DNAI1: variants seen among roughly 807,000 people sequenced by gnomAD.
DNAI1 encodes the protein dynein axonemal intermediate chain 1.
A neutral mutation model predicts 92.0 loss-of-function variants in DNAI1; 67 were observed. That is an observed-to-expected ratio of 0.73 (90% confidence interval 0.60 to 0.89). The LOEUF (loss-of-function observed/expected upper bound fraction) is 0.89, where lower values mean the gene tolerates loss of function less well. DNAI1 is among the 40% of genes least tolerant of loss of function. DNAI1 has a pLI of 0.00. For synonymous variants in DNAI1, 323 were observed against 319.6 expected (o/e 1.01, Z -0.11); for missense variants, 839 against 866.6 (o/e 0.97, Z 0.40).
chr9:34,473,119 C>G (rs1467081775), intron 1 of DNAI1, among the ~76,000 whole-genome samples: 2 of 151,854 alleles, frequency 1.3e-5, no homozygotes, highest in Admixed American at 6.6e-5. Context: ...GACAATATGC[C>G]TTGGAGAGCT....
chr9:34,516,598 G>A (rs751244810), intron 18 of DNAI1, among the ~76,000 whole-genome samples: 7 of 152,046 alleles, frequency 4.6e-5, no homozygotes, highest in Non-Finnish European at 7.4e-5. Context: ...TAACTCCTCC[G>A]TTATAAAATA....
chr9:34,458,902 A>G lies in DNAI1; in HGVS notation c.-104A>G, dbSNP rs1371433907. On this transcript the variant is annotated 5_prime_UTR_variant, in exon 1 of 20. Coordinates refer to ENST00000242317, the MANE Select transcript of DNAI1 (RefSeq NM_012144.4). This position sits in a 1 kb window ranked among gnomAD's most constrained non-coding sequence, Gnocchi z 6.6. ...CCCTAAAGAACCGTTGCGACTGGTAACTGAAGTGGAAGAGAGTCCAGATTT... is the reference window on the plus strand; with the variant it reads ...CCCTAAAGAACCGTTGCGACTGGTAGCTGAAGTGGAAGAGAGTCCAGATTT... 2.0e-6 allele frequency: 2 copies of G among 1,016,936 alleles called. No individual in the cohort carries two copies. The highest frequency in any genetic ancestry group is 1.6e-6 in the Non-Finnish European group (1 of 643,956). The allele number at this position is 1,016,936 out of a possible 1,614,324, so 63.0% of individuals were successfully genotyped here. A position where few individuals can be genotyped will look rare whatever the true frequency, so the allele number is the denominator to read the frequency against.
At chr9:34,491,355 A>G (rs1399365570) in intron 7 of DNAI1, 140 bp from the exon 8 acceptor site, 1 of 811,524 alleles carries the variant, frequency 1.2e-6, no homozygotes, top group Non-Finnish European at 2.1e-6. Context: ...TATTCACCCA[A>G]GCCCCTCTTT....
Position 34,493,851 on chromosome 9 carries a change from T to A in DNAI1, c.816+523T>A, listed in dbSNP as rs2132065967. Among the ~76,000 whole-genome samples, 4 of 152,250 alleles carry A rather than the reference T, an allele frequency of 2.6e-5. 2 individuals are homozygous for A. In the Middle Eastern group the frequency reaches 0.014, roughly 518 times the overall value. On this transcript the variant is annotated intron_variant, in intron 9 of 19. Coordinates refer to ENST00000242317, the MANE Select transcript of DNAI1 (RefSeq NM_012144.4). ...ATGGATTTGGCCACCCTGGGCTAGATTTTCCATGAAGAGCCATGTAGAAGT... is the reference window on the plus strand; with the variant it reads ...ATGGATTTGGCCACCCTGGGCTAGAATTTCCATGAAGAGCCATGTAGAAGT...
At position 34,500,260 on chromosome 9, in the gene DNAI1, G is replaced by C. The variant is rs550120090; in HGVS notation, c.902-462G>C. Among the ~76,000 whole-genome samples the C allele has an allele frequency of 2.0e-5, 3 of 152,218 alleles. No individual in the cohort carries two copies. The East Asian group carries it at 5.8e-4, about 29-fold the overall frequency. On this transcript the variant is annotated intron_variant, in intron 10 of 19. Coordinates refer to ENST00000242317, the MANE Select transcript of DNAI1 (RefSeq NM_012144.4). Reference sequence around the variant, plus strand: ...GATCTAGGCAGCTTCATTATAGGGAGACTTGGCTGTGGATATGAAAATGGG... The same window carrying C: ...GATCTAGGCAGCTTCATTATAGGGACACTTGGCTGTGGATATGAAAATGGG...
chr9:34,504,614 G>A (rs1470728535), intron 12 of DNAI1, among the ~76,000 whole-genome samples: 2 of 152,270 alleles, frequency 1.3e-5, no homozygotes, highest in Non-Finnish European at 2.9e-5. Flanking sequence ...TAAATGTCCC[G>A]CTTGATGTAT....
At chr9:34,459,805 A>G (rs1564024339) in intron 1 of DNAI1, among the ~76,000 whole-genome samples, 1 of 152,262 alleles carries the variant, frequency 6.6e-6, no homozygotes, top group Non-Finnish European at 1.5e-5. Context: ...AGGTGGGAAC[A>G]CAGCTCTTGC....
chr9:34,459,088 G>A, intron 1 of DNAI1, 35 bp downstream of exon 1: 2 of 1,599,428 alleles, frequency 1.3e-6, no homozygotes, highest in Non-Finnish European at 1.7e-6. Context: ...GATGACCTCT[G>A]ACCTTCGTCG....
intron 13 of DNAI1, among the ~76,000 whole-genome samples, 170 bp from the exon 14 acceptor site, chr9:34,511,939 C>T (rs911125574): frequency 1.3e-5 from 2 of 152,130 alleles, no homozygotes; most frequent in Admixed American, 1.3e-4. Flanking sequence ...GAATGAGAGA[C>T]AGAGATGGAT....
chr9:34,491,628 C>G, intron 8 of DNAI1, 74 bp downstream of exon 8: 1 of 1,527,430 alleles, frequency 6.5e-7, no homozygotes, highest in Non-Finnish European at 9.1e-7. Context: ...GCAGCAAAGG[C>G]AACACTGGGT....
At chr9:34,509,038 G>T (rs1215056645) in intron 13 of DNAI1, among the ~76,000 whole-genome samples, 1 of 152,106 alleles carries the variant, frequency 6.6e-6, no homozygotes, top group Non-Finnish European at 1.5e-5. Flanking sequence ...TCCTCCCTGT[G>T]TGCTCCTCTG....
chr9:34,503,642 C>T (rs561127620), intron 12 of DNAI1, among the ~76,000 whole-genome samples: 1 of 152,238 alleles, frequency 6.6e-6, no homozygotes, highest in South Asian at 2.1e-4. Flanking sequence ...ATTTCTGGGA[C>T]AGGCCAGGTT....
chr9:34,475,007 G>A (rs1824212244), intron 1 of DNAI1, among the ~76,000 whole-genome samples: 1 of 152,162 alleles, frequency 6.6e-6, no homozygotes, highest in African/African-American at 2.4e-5. Flanking sequence ...CAATGTATGT[G>A]TGCCTGTTAC....
intron 17 of DNAI1, 36 bp downstream of exon 17, chr9:34,514,578 C>T (rs1784014921): frequency 1.2e-6 from 2 of 1,614,232 alleles, no homozygotes; most frequent in Non-Finnish European, 1.7e-6. Flanking sequence ...CTGGGGCCCT[C>T]CCCTGGGCTA....
chr9:34,495,426 T>C (rs1462361762), intron 9 of DNAI1, among the ~76,000 whole-genome samples: 1 of 152,148 alleles, frequency 6.6e-6, no homozygotes, highest in Non-Finnish European at 1.5e-5. Flanking sequence ...GTTAGCTCAG[T>C]TTTTCTGAAA....
chr9:34,465,709 G>A (rs898044387), intron 1 of DNAI1, among the ~76,000 whole-genome samples: 4 of 152,236 alleles, frequency 2.6e-5, no homozygotes, highest in African/African-American at 4.8e-5. Flanking sequence ...TCCTGTGCTC[G>A]TTGCTGGGCT....
At chr9:34,499,193 G>A (rs564248745) in intron 10 of DNAI1, among the ~76,000 whole-genome samples, 5 of 152,208 alleles carry the variant, frequency 3.3e-5, no homozygotes, top group Non-Finnish European at 7.3e-5. Flanking sequence ...CCCAAGCGGG[G>A]TAATCTCTGA....
chr9:34,484,882 G>A (rs1824439912), intron 2 of DNAI1, among the ~76,000 whole-genome samples: 1 of 152,198 alleles, frequency 6.6e-6, no homozygotes, highest in African/African-American at 2.4e-5. Flanking sequence ...CACTACTGGG[G>A]CCAGAGGCCT....
rs1390304975 is a variant in DNAI1, at chr9:34,514,518, T to G, written c.1694T>G (p.Val565Gly). The stretch of plus-strand genomic sequence containing the variant: ...ATGTCCTGCAGCTCCGACTGGACAG[T>G]GAAGATCTGGGACCACACCATCAAG... Reference protein sequence around the residue: ...VFMSCSSDWTVKIWDHTIKTP... With the variant: ...VFMSCSSDWTGKIWDHTIKTP... The change falls in exon 17 of 20, where the codon GTG becomes GGG. Residue 565 changes from valine to glycine, a missense_variant. By Grantham distance (109) the Val-to-Gly change is moderately radical. Coordinates refer to ENST00000242317, the MANE Select transcript of DNAI1 (RefSeq NM_012144.4). The G allele has an allele frequency of 1.9e-6, 3 of 1,614,212 alleles. No homozygotes were observed. Among genetic ancestry groups the G allele is most frequent in the Non-Finnish European group, 1.7e-6 (2 of 1,180,040 alleles).
Sources: gnomAD v4.1 joint callset for allele counts (sites outside exome capture counted in the v4.1 genomes callset) on GRCh38, gnomAD v4.1.1 for gene constraint, Gnocchi (gnomAD v3.1) non-coding constraint, MANE v1.5 for transcripts, NCBI Gene and HGNC (gene_info 2026-07-23, HGNC 2026-07-21) for gene names.